The following KIAA1328 variants were observed in gnomAD, a reference collection of about 807,000 sequenced individuals.
KIAA1328 encodes KIAA1328, also known as protein hinderin.
KIAA1328 carries 52 observed loss-of-function variants against 68.1 expected under a neutral mutation model. The ratio of observed to expected loss-of-function variants is 0.76; its 90% CI spans 0.61 to 0.96. KIAA1328 has a LOEUF of 0.96. Among genes scored for constraint, KIAA1328 ranks in the 40% least tolerant of loss-of-function variants. The probability of loss-of-function intolerance (pLI) is 0.00; values close to 1 mark genes in which losing one functional copy is unlikely to be tolerated. For missense variants in KIAA1328, 641 were observed against 677.6 expected (o/e 0.95, Z 0.60); for synonymous variants, 232 against 239.4 (o/e 0.97, Z 0.28).
At chr18:37,015,529 A>G (rs1271928520) in intron 6 of KIAA1328, among the ~76,000 whole-genome samples, 1 of 152,030 alleles carries the variant, frequency 6.6e-6, no homozygotes, top group Non-Finnish European at 1.5e-5. Flanking sequence ...TTTTCCAATT[A>G]TGTGAAAAAT....
chr18:37,015,217 A>C (rs1407184465), intron 6 of KIAA1328, among the ~76,000 whole-genome samples: 1 of 152,100 alleles, frequency 6.6e-6, no homozygotes, highest in Non-Finnish European at 1.5e-5. Flanking sequence ...TCTTCTCCAT[A>C]TGGCTAGTCA....
At chr18:37,024,776 A>G (rs1217774846) in intron 6 of KIAA1328, among the ~76,000 whole-genome samples, 2 of 152,088 alleles carry the variant, frequency 1.3e-5, no homozygotes, top group Non-Finnish European at 2.9e-5. Flanking sequence ...CCAGTCTATC[A>G]TTGTTGGACA....
chr18:36,857,555 G>C (rs1489632782), intron 4 of KIAA1328, among the ~76,000 whole-genome samples: 1 of 152,242 alleles, frequency 6.6e-6, no homozygotes, highest in Non-Finnish European at 1.5e-5. Flanking sequence ...GGGAATGGGG[G>C]ATGAATGGTA....
In KIAA1328 at chr18:37,173,029, C is replaced by T. The variant is rs370866278; in HGVS notation, c.1471C>T (p.Leu491=). Residue 491 remains leucine, a synonymous_variant, in exon 9 of 10, where the codon CTA becomes TTA. Transcript: ENST00000280020. ...TACATCTCCTATGCCAACAGGAAGC[C>T]TAAAGGATTTTGTCACCACAGCCTC... ...ASTSPMPTGS[L]KDFVTTASPS... The T allele has an allele frequency of 1.6e-4, 266 of 1,613,480 alleles. No individual in the cohort carries two copies. The highest frequency in any genetic ancestry group is 2.2e-4 in the Non-Finnish European group (254 of 1,179,674).
chr18:37,081,702 A>G (rs953842601), intron 7 of KIAA1328, among the ~76,000 whole-genome samples: 1 of 152,200 alleles, frequency 6.6e-6, no homozygotes, highest in Non-Finnish European at 1.5e-5. Context: ...CCTAAGAAAT[A>G]AAGTTTTTTT....
chr18:36,895,348 A>G (rs1170459065), intron 5 of KIAA1328, among the ~76,000 whole-genome samples: 1 of 152,184 alleles, frequency 6.6e-6, no homozygotes, highest in Non-Finnish European at 1.5e-5. Flanking sequence ...GCTTTAGGCT[A>G]GAGTAGGGGT....
chr18:36,894,076 G>A (rs2048790211), intron 5 of KIAA1328, among the ~76,000 whole-genome samples: 1 of 152,144 alleles, frequency 6.6e-6, no homozygotes, highest in Non-Finnish European at 1.5e-5. Context: ...TACAGGTCTG[G>A]AAAGGTAATG....
chr18:37,043,866 C>T (rs1424327706), intron 6 of KIAA1328, among the ~76,000 whole-genome samples: 3 of 152,242 alleles, frequency 2.0e-5, no homozygotes, highest in Non-Finnish European at 2.9e-5. Flanking sequence ...TCCCCAGTGT[C>T]CTTGTTAAAT....
chr18:37,181,901 CATTT>C (rs2059705974), intron 9 of KIAA1328, among the ~76,000 whole-genome samples: 1 of 152,148 alleles, frequency 6.6e-6, no homozygotes, highest in Non-Finnish European at 1.5e-5. Flanking sequence ...AAAGGGAACA[CATTT>C]ATAGGGGACA....
chr18:36,872,562 A>G (rs1453919546), intron 4 of KIAA1328, among the ~76,000 whole-genome samples: 1 of 152,186 alleles, frequency 6.6e-6, no homozygotes. Context: ...AAACCAGCCT[A>G]ACATTTGTTA....
intron 7 of KIAA1328, among the ~76,000 whole-genome samples, chr18:37,132,494 A>G (rs1466509236): frequency 6.6e-6 from 1 of 152,206 alleles, no homozygotes; most frequent in East Asian, 1.9e-4. Context: ...ACGTCCATCT[A>G]TTGCATGGGC....
intron 9 of KIAA1328, among the ~76,000 whole-genome samples, chr18:37,186,719 C>T (rs981703170): frequency 8.6e-5 from 13 of 151,822 alleles, no homozygotes; most frequent in East Asian, 7.7e-4. Context: ...CAAATCCTAA[C>T]GAAAGAAAGA....
intron 9 of KIAA1328, among the ~76,000 whole-genome samples, chr18:37,189,687 A>G (rs1428559800): frequency 6.6e-6 from 1 of 152,190 alleles, no homozygotes; most frequent in African/African-American, 2.4e-5. Context: ...TTCACCTCAT[A>G]AAACCAACTA....
At chr18:36,891,427 A>G (rs1315104568) in intron 5 of KIAA1328, among the ~76,000 whole-genome samples, 1 of 152,162 alleles carries the variant, frequency 6.6e-6, no homozygotes, top group East Asian at 1.9e-4. Flanking sequence ...CATTGTACCC[A>G]GTATGTAGTC....
intron 9 of KIAA1328, among the ~76,000 whole-genome samples, chr18:37,194,103 G>T (rs1479431256): frequency 1.3e-5 from 2 of 152,198 alleles, no homozygotes; most frequent in African/African-American, 2.4e-5. Context: ...ATTTATACAT[G>T]TGTGAGGATA....
intron 6 of KIAA1328, among the ~76,000 whole-genome samples, chr18:36,992,451 CTTTTTTTTTTTTT>C (rs71168252): frequency 0.78 from 102,982 of 131,270 alleles, 40,543 homozygotes; most frequent in South Asian, 0.89. Flanking sequence ...TCTTTTCTTT[CTTTTTTTTTTTTT>C]TTTTTTTTTT....
intron 6 of KIAA1328, among the ~76,000 whole-genome samples, chr18:37,002,336 A>G (rs1029345249): frequency 2.0e-5 from 3 of 150,344 alleles, no homozygotes; most frequent in Non-Finnish European, 4.4e-5. Context: ...AGCCTCCTGA[A>G]GAGCTAAGAC....
At chr18:37,134,460 A>G (rs995657717) in intron 7 of KIAA1328, among the ~76,000 whole-genome samples, 1 of 152,134 alleles carries the variant, frequency 6.6e-6, no homozygotes, top group Non-Finnish European at 1.5e-5. Flanking sequence ...TTTATGAAAA[A>G]TTGCAATATT....
At chr18:37,050,030 T>G (rs2055628339) in intron 6 of KIAA1328, among the ~76,000 whole-genome samples, 1 of 152,140 alleles carries the variant, frequency 6.6e-6, no homozygotes, top group Admixed American at 6.6e-5. Context: ...AAAACTCTCT[T>G]TCATATGACA....
Sources: gnomAD v4.1 joint callset for allele counts (sites outside exome capture counted in the v4.1 genomes callset) on GRCh38, gnomAD v4.1.1 for gene constraint, MANE v1.5 for transcripts, NCBI Gene and HGNC (gene_info 2026-07-23, HGNC 2026-07-21) for gene names.